ARHGAP23: variants seen among roughly 807,000 people sequenced by gnomAD.
The protein encoded by ARHGAP23 is rho GTPase-activating protein 23.
In ARHGAP23, 34 loss-of-function variants were observed where a neutral mutation model predicts 136.3. That is an observed-to-expected ratio of 0.25 (90% CI 0.19 to 0.33). The LOEUF (loss-of-function observed/expected upper bound fraction) is 0.33, where lower values mean the gene tolerates loss of function less well. Among genes scored for constraint, ARHGAP23 ranks in the 10% least tolerant of loss-of-function variants. ARHGAP23 has a pLI of 1.00. For synonymous variants in ARHGAP23, 832 were observed against 920.5 expected, an observed-to-expected ratio of 0.90 and a Z score of 1.74; for missense variants, 1,808 against 2,139.0, an observed-to-expected ratio of 0.85 and a Z score of 3.05.
At chr17:38,475,730 T>C (rs145605839) in intron 11 of ARHGAP23, among the ~76,000 whole-genome samples, 3 of 152,214 alleles carry the variant, frequency 2.0e-5, no homozygotes, top group Non-Finnish European at 2.9e-5. Context: ...CCTTGCATGC[T>C]GCTGCTGTAG....
intron 20 of ARHGAP23, among the ~76,000 whole-genome samples, chr17:38,491,944 G>A (rs566498065): frequency 1.5e-4 from 23 of 152,294 alleles, no homozygotes; most frequent in Non-Finnish European, 2.6e-4. Flanking sequence ...AGGAGGCCCC[G>A]GCTCTAGTGA....
In ARHGAP23 at chr17:38,462,708, C is replaced by T. The variant is rs1034883457; in HGVS notation, c.254-138C>T. ...CCTCCATGGACCTGTCCAGTGTCCT[C>T]GTGGATGTTTGAGCCTGTGCATGTT... On this transcript the variant is annotated intron_variant, in intron 3 of 23. Coordinates refer to ENST00000622683, the MANE Select transcript of ARHGAP23 (RefSeq NM_001199417.2). 2.0e-5 allele frequency: 13 copies of T among 637,314 alleles called. 1 individual carries two copies. The East Asian group carries it at 2.4e-4, about 12-fold the overall frequency. 39.5% of individuals were successfully genotyped at this position (637,314 alleles called of 1,614,324 possible).
intron 1 of ARHGAP23, among the ~76,000 whole-genome samples, chr17:38,442,258 C>T (rs187065534): frequency 6.6e-6 from 1 of 152,210 alleles, no homozygotes; most frequent in East Asian, 1.9e-4. Flanking sequence ...CATGCCCGGC[C>T]CCCCTTTCTT....
chr17:38,446,233 C>T (rs897400435), intron 1 of ARHGAP23, among the ~76,000 whole-genome samples: 3 of 145,554 alleles, frequency 2.1e-5, no homozygotes, highest in Non-Finnish European at 4.5e-5. Context: ...CCATGTTGCC[C>T]GGGCTGGTCT....
chr17:38,445,130 T>A (rs553751286), intron 1 of ARHGAP23, among the ~76,000 whole-genome samples: 13 of 151,504 alleles, frequency 8.6e-5, no homozygotes, highest in Admixed American at 5.2e-4. Flanking sequence ...TTATTTTGTG[T>A]GTGTGTTTGA....
chr17:38,481,453 C>A (rs1051342297), intron 14 of ARHGAP23, among the ~76,000 whole-genome samples: 4 of 152,184 alleles, frequency 2.6e-5, no homozygotes, highest in Non-Finnish European at 5.9e-5. Context: ...GGCCCACGCC[C>A]GGCTAATTTT....
At chr17:38,447,239 C>T (rs891563651) in intron 1 of ARHGAP23, among the ~76,000 whole-genome samples, 3 of 151,420 alleles carry the variant, frequency 2.0e-5, no homozygotes, top group Non-Finnish European at 1.5e-5. Context: ...GTCAGGAGTT[C>T]GAGATTAGCC....
chr17:38,503,133 G>C (rs1051833922), intron 23 of ARHGAP23, among the ~76,000 whole-genome samples: 2 of 152,214 alleles, frequency 1.3e-5, no homozygotes, highest in Non-Finnish European at 2.9e-5. Context: ...GACAGAGAGA[G>C]AGAGGAAGAG....
intron 11 of ARHGAP23, among the ~76,000 whole-genome samples, chr17:38,475,982 G>A (rs904272106): frequency 6.6e-6 from 1 of 152,218 alleles, no homozygotes; most frequent in African/African-American, 2.4e-5. Context: ...AAAAGGAACA[G>A]CAAGCGGAGA....
intron 14 of ARHGAP23, among the ~76,000 whole-genome samples, chr17:38,480,408 C>A (rs540578297): frequency 6.6e-6 from 1 of 152,004 alleles, no homozygotes; most frequent in Non-Finnish European, 1.5e-5. Flanking sequence ...CCGAGGTGGG[C>A]GGATCACGAG....
chr17:38,433,859 C>A (rs925297945), intron 1 of ARHGAP23, among the ~76,000 whole-genome samples: 12 of 152,062 alleles, frequency 7.9e-5, no homozygotes, highest in African/African-American at 2.9e-4. Flanking sequence ...GCTTGGTGGC[C>A]GAGGGACAGA....
chr17:38,509,684 G>A (rs1011105300), intron 23 of ARHGAP23, among the ~76,000 whole-genome samples: 3 of 152,228 alleles, frequency 2.0e-5, no homozygotes, highest in Non-Finnish European at 2.9e-5. Context: ...ACGGAAAACA[G>A]AATGGAAGGG....
intron 23 of ARHGAP23, among the ~76,000 whole-genome samples, chr17:38,502,802 T>A (rs1353008280): frequency 5.3e-5 from 8 of 152,124 alleles, no homozygotes; most frequent in Non-Finnish European, 1.2e-4. Flanking sequence ...CCCAACACAT[T>A]TGGAGGCCGA....
Position 38,511,074 on chromosome 17 carries a change from C to A in ARHGAP23, c.*102C>A. The stretch of plus-strand genomic sequence containing the variant: ...CCTCCTCTTCTGTGGCCCCTGGGTG[C>A]ATGGTGTGGGTGGAGGGCGCAGCAG... On this transcript the variant is annotated 3_prime_UTR_variant, in exon 24 of 24. Coordinates refer to ENST00000622683, the MANE Select transcript of ARHGAP23 (RefSeq NM_001199417.2). The A allele has an allele frequency of 8.1e-7, 1 of 1,233,986 alleles. No individual in the cohort carries two copies. Among genetic ancestry groups the A allele is most frequent in the Non-Finnish European group, 1.1e-6 (1 of 950,544 alleles). 76.4% of individuals were successfully genotyped at this position (1,233,986 alleles called of 1,614,324 possible). A position where few individuals can be genotyped will look rare whatever the true frequency, so the allele number is the denominator to read the frequency against.
At chr17:38,438,022 C>T (rs1254600548) in intron 1 of ARHGAP23, among the ~76,000 whole-genome samples, 2 of 152,068 alleles carry the variant, frequency 1.3e-5, no homozygotes, top group African/African-American at 4.8e-5. Flanking sequence ...CTTGCCAAAG[C>T]TTGAAAGATG....
rs1442673060 is a variant in ARHGAP23 at position 38,469,011 on chromosome 17, A to C, written c.1649-133A>C. On this transcript the variant is annotated intron_variant, in intron 7 of 23. Coordinates refer to ENST00000622683, the MANE Select transcript of ARHGAP23 (RefSeq NM_001199417.2). Reference sequence around the variant, plus strand: ...GGGCCAGTCATGCTTGACAGTGGGCATGTTGCCAGCAGGACCCTTTGGGAT... The same window carrying C: ...GGGCCAGTCATGCTTGACAGTGGGCCTGTTGCCAGCAGGACCCTTTGGGAT... The C allele has an allele frequency of 9.8e-6, 9 of 913,910 alleles. No homozygotes were observed. The Admixed American group carries it at 2.6e-4, about 26-fold the overall frequency. 56.6% of individuals were successfully genotyped at this position (913,910 alleles called of 1,614,324 possible).
intron 23 of ARHGAP23, among the ~76,000 whole-genome samples, chr17:38,508,658 G>A (rs2040686039): frequency 6.6e-6 from 1 of 152,198 alleles, no homozygotes; most frequent in Non-Finnish European, 1.5e-5. Flanking sequence ...CAGAATGAGG[G>A]CCTGCCGGAG....
At chr17:38,489,924 G>A in intron 17 of ARHGAP23, 178 bp from the exon 18 acceptor site, 1 of 634,948 alleles carries the variant, frequency 1.6e-6, no homozygotes, top group South Asian at 1.9e-5. Flanking sequence ...TGTGGTGAGT[G>A]CAGCTGTGGT....
Position 38,510,504 on chromosome 17 carries a change from C to T in ARHGAP23, c.4008C>T (p.Gly1336=), listed in dbSNP as rs550175865. The T allele has an allele frequency of 1.8e-3, 2,007 of 1,139,466 alleles. 29 individuals carry two copies. In the African/African-American group the frequency reaches 0.03, roughly 17 times the overall value. The allele number at this position is 1,139,466 out of a possible 1,614,324, so 70.6% of individuals were successfully genotyped here. A position where few individuals can be genotyped will look rare whatever the true frequency, so the allele number is the denominator to read the frequency against. ...GRPDGEGAGR[G]GPRAPEPPGS... ...CAGACGGCGAGGGCGCGGGCCGGGG[C>T]GGTCCCCGCGCCCCGGAGCCGCCCG... Residue 1336 remains glycine (G), a synonymous_variant, in exon 24 of 24, where the codon GGC becomes GGT. Transcript: ENST00000622683. This position sits in a 1 kb window ranked among gnomAD's most constrained non-coding sequence, Gnocchi z 4.6.
Sources: allele counts gnomAD v4.1 joint callset (sites outside exome capture counted in the v4.1 genomes callset), GRCh38; gene constraint gnomAD v4.1.1; non-coding constraint Gnocchi (gnomAD v3.1); transcripts MANE v1.5; gene names NCBI Gene and HGNC (gene_info 2026-07-23, HGNC 2026-07-21).